Variants in NPC2 observed in about 807,000 individuals in gnomAD.
NPC2 encodes the protein NPC intracellular cholesterol transporter 2.
In NPC2, 14 loss-of-function variants were observed where a neutral mutation model predicts 17.0. The ratio of observed to expected loss-of-function variants is 0.82; its 90% CI spans 0.54 to 1.29. NPC2 has a LOEUF of 1.29. NPC2 is among the 50% of genes most tolerant of loss of function. The pLI, the probability that NPC2 is intolerant of heterozygous loss-of-function variation, is 0.00. For missense variants in NPC2, 167 were observed against 183.4 expected (o/e 0.91, Z 0.52); for synonymous variants, 75 against 69.3 (o/e 1.08, Z -0.41).
At chr14:74,487,921 A>G (rs1373559879) in intron 1 of NPC2, among the ~76,000 whole-genome samples, 1 of 152,230 alleles carries the variant, frequency 6.6e-6, no homozygotes, top group Non-Finnish European at 1.5e-5. Flanking sequence ...AGAAGAGCAA[A>G]GATTACTGAG....
Position 74,486,396 on chromosome 14 carries a change from T to A in NPC2, c.123A>T (p.Pro41=). Reference sequence around the variant, plus strand: ...TCAGCTGGCAGGGTTGGGTGGGGCATGGGCTCACATTCACTTCCTTTATAA... The same window carrying A: ...TCAGCTGGCAGGGTTGGGTGGGGCAAGGGCTCACATTCACTTCCTTTATAA... ...DGVIKEVNVS[P]CPTQPCQLSK... Residue 41 remains proline, a synonymous_variant, in exon 2 of 5, where the codon CCA becomes CCT. Transcript: ENST00000555619. 6.2e-7 allele frequency: 1 copy of A among 1,604,620 alleles called. No homozygotes were observed. The highest frequency in any genetic ancestry group is 2.2e-5 in the East Asian group (1 of 44,812).
intron 3 of NPC2, among the ~76,000 whole-genome samples, chr14:74,483,785 A>G (rs1027762474): frequency 6.6e-6 from 1 of 152,246 alleles, no homozygotes; most frequent in African/African-American, 2.4e-5. Flanking sequence ...TGCATTTCAA[A>G]TGTTAGATAT....
chr14:74,480,358 C>G, intron 4 of NPC2, 70 bp from the exon 5 acceptor site: 1 of 1,347,238 alleles, frequency 7.4e-7, no homozygotes, highest in South Asian at 1.2e-5. Context: ...GGCAATAACC[C>G]TAGGGCAAGT....
chr14:74,489,886 C>T (rs2139673410), intron 1 of NPC2, among the ~76,000 whole-genome samples: 1 of 152,340 alleles, frequency 6.6e-6, no homozygotes, highest in East Asian at 1.9e-4. Context: ...AATGGTGTAG[C>T]TGAGCTAACA....
At chr14:74,481,308 C>T (rs1408673127) in intron 3 of NPC2, among the ~76,000 whole-genome samples, 3 of 152,242 alleles carry the variant, frequency 2.0e-5, no homozygotes, top group South Asian at 2.1e-4. Context: ...CCATGTGACA[C>T]GCTGGCTCCC....
chr14:74,489,694 A>G (rs1178670161), intron 1 of NPC2, among the ~76,000 whole-genome samples: 1 of 152,250 alleles, frequency 6.6e-6, no homozygotes, highest in African/African-American at 2.4e-5. Flanking sequence ...GGGCAGTTGA[A>G]TGGGAGAGAA....
chr14:74,484,766 A>AG (rs1566602507), intron 2 of NPC2, among the ~76,000 whole-genome samples, 179 bp from the exon 3 acceptor site: 2 of 150,714 alleles, frequency 1.3e-5, no homozygotes, highest in African/African-American at 4.9e-5. Context: ...AAAAAAAAAA[A>AG]AAAAAAAAAA....
At chr14:74,487,216 T>C (rs185251668) in intron 1 of NPC2, among the ~76,000 whole-genome samples, 1 of 151,940 alleles carries the variant, frequency 6.6e-6, no homozygotes, top group East Asian at 1.9e-4. Flanking sequence ...CCCAAAGTGC[T>C]AGGATTACAG....
intron 1 of NPC2, among the ~76,000 whole-genome samples, chr14:74,491,285 A>T (rs2139674592): frequency 6.6e-6 from 1 of 152,122 alleles, no homozygotes; most frequent in East Asian, 1.9e-4. Context: ...GTTGGCCAGG[A>T]TGGTCTCAAT....
intron 3 of NPC2, chr14:74,482,973 C>G: frequency 1.4e-6 from 1 of 692,250 alleles, no homozygotes; most frequent in Non-Finnish European, 2.7e-6. Context: ...CAGACCACAT[C>G]ACGGGTGAGC....
rs59427038 is a variant in NPC2 at position 74,487,274 on chromosome 14, GT to G, written c.83-839del. Reference sequence around the variant, plus strand: ...TGTTTTGTTTTTGTGGTTTTTTTTTGTTTTTTTTTTTTGAGACAGGGTCTCA... The same window carrying G: ...TGTTTTGTTTTTGTGGTTTTTTTTTGTTTTTTTTTTTGAGACAGGGTCTCA... On this transcript the variant is annotated intron_variant, in intron 1 of 4. Coordinates refer to ENST00000555619, the MANE Select transcript of NPC2 (RefSeq NM_006432.5). Among the ~76,000 whole-genome samples the G allele has an allele frequency of 3.4e-4, 45 of 132,040 alleles. 1 individual carries two copies. Among genetic ancestry groups the G allele is most frequent in the Non-Finnish European group, 2.6e-4 (16 of 62,120 alleles). 86.6% of individuals were successfully genotyped at this position (132,040 alleles called of 152,430 possible).
intron 3 of NPC2, 76 bp from the exon 4 acceptor site, chr14:74,480,855 T>A: frequency 1.6e-6 from 2 of 1,237,438 alleles, no homozygotes; most frequent in Non-Finnish European, 2.4e-6. Flanking sequence ...TAACTATGAA[T>A]CCTAGATGTA....
chr14:74,481,936 G>A (rs2086660256), intron 3 of NPC2, among the ~76,000 whole-genome samples: 1 of 152,184 alleles, frequency 6.6e-6, no homozygotes, highest in South Asian at 2.1e-4. Context: ...CATGTGAGTG[G>A]CACTGATATT....
At chr14:74,480,931 G>A (rs2086649824) in intron 3 of NPC2, 152 bp from the exon 4 acceptor site, 7 of 762,020 alleles carry the variant, frequency 9.2e-6, no homozygotes, top group Non-Finnish European at 1.6e-5. Flanking sequence ...TAGCATGTGG[G>A]CACAGCTTAC....
At chr14:74,480,957 A>G (rs1292733909) in intron 3 of NPC2, among the ~76,000 whole-genome samples, 178 bp from the exon 4 acceptor site, 1 of 152,256 alleles carries the variant, frequency 6.6e-6, no homozygotes, top group Non-Finnish European at 1.5e-5. Context: ...TAAGAGAGTG[A>G]ACAAAGTTAT....
intron 1 of NPC2, among the ~76,000 whole-genome samples, chr14:74,489,547 TG>T (rs2086748993): frequency 6.6e-6 from 1 of 152,204 alleles, no homozygotes; most frequent in African/African-American, 2.4e-5. Context: ...AGTGTGTGTG[TG>T]TGTGTCTGTG....
chr14:74,486,554 C>T (rs975711020), intron 1 of NPC2, 118 bp from the exon 2 acceptor site: 24 of 768,298 alleles, frequency 3.1e-5, no homozygotes, highest in African/African-American at 1.2e-4. Flanking sequence ...TCATTCTCCT[C>T]GGACTGTTTC....
At chr14:74,492,644 C>A (rs2086788151) in intron 1 of NPC2, among the ~76,000 whole-genome samples, 1 of 152,140 alleles carries the variant, frequency 6.6e-6, no homozygotes, top group Non-Finnish European at 1.5e-5. Context: ...TTATGTATCA[C>A]AAGCTGTGAT....
chr14:74,480,061 T>G lies in NPC2; in HGVS notation c.*213A>C. ...ACATCTGCTAACCAAGTGCTGCATT[T>G]AATGAAACCACCTAAGACAGAAAAA... On this transcript the variant is annotated 3_prime_UTR_variant, in exon 5 of 5. Coordinates refer to ENST00000555619, the MANE Select transcript of NPC2 (RefSeq NM_006432.5). 1 of 1,519,318 alleles carries G rather than the reference T, an allele frequency of 6.6e-7. No individual in the cohort carries two copies. The highest frequency in any genetic ancestry group is 8.8e-7 in the Non-Finnish European group (1 of 1,137,974). The allele number at this position is 1,519,318 out of a possible 1,614,324, so 94.1% of individuals were successfully genotyped here. A position where few individuals can be genotyped will look rare whatever the true frequency, so the allele number is the denominator to read the frequency against.
Sources: gnomAD v4.1 joint callset for allele counts (sites outside exome capture counted in the v4.1 genomes callset) on GRCh38, gnomAD v4.1.1 for gene constraint, MANE v1.5 for transcripts, NCBI Gene and HGNC (gene_info 2026-07-23, HGNC 2026-07-21) for gene names.